STAU2: variants seen among roughly 807,000 people sequenced by gnomAD.
STAU2 encodes staufen double-stranded RNA binding protein 2.
Under a neutral mutation model 65.9 loss-of-function variants are expected in STAU2, and 20 were observed. The observed-to-expected ratio is 0.30, with a 90% confidence interval of 0.21 to 0.44. The LOEUF (loss-of-function observed/expected upper bound fraction) is 0.44, where lower values mean the gene tolerates loss of function less well. Ranked by LOEUF, STAU2 falls within the 20% of genes least tolerant of loss-of-function variation. The pLI, the probability that STAU2 is intolerant of heterozygous loss-of-function variation, is 1.00. For synonymous variants in STAU2, 232 were observed against 233.9 expected (o/e 0.99, Z 0.07); for missense variants, 558 against 683.9 (o/e 0.82, Z 2.05).
intron 10 of STAU2, among the ~76,000 whole-genome samples, chr8:73,602,077 C>CTTA (rs750864585): frequency 6.6e-6 from 1 of 151,972 alleles, no homozygotes; most frequent in Non-Finnish European, 1.5e-5. Flanking sequence ...CCAGGAGTGA[C>CTTA]TTATCTATGA....
chr8:73,721,155 C>T (rs1399217707), intron 3 of STAU2, among the ~76,000 whole-genome samples: 1 of 147,794 alleles, frequency 6.8e-6, no homozygotes, highest in Middle Eastern at 3.5e-3. Flanking sequence ...CTGGGTGTGG[C>T]GGCACACATT....
chr8:73,642,308 A>G (rs2130137309), intron 6 of STAU2, among the ~76,000 whole-genome samples: 1 of 152,226 alleles, frequency 6.6e-6, no homozygotes, highest in South Asian at 2.1e-4. Context: ...GTGGATCATG[A>G]GGTCAGGAGA....
chr8:73,658,635 C>A (rs989126988), intron 6 of STAU2, among the ~76,000 whole-genome samples: 9 of 152,112 alleles, frequency 5.9e-5, no homozygotes, highest in African/African-American at 2.2e-4. Context: ...CATACTTATG[C>A]CGGGCATGGT....
intron 13 of STAU2, among the ~76,000 whole-genome samples, chr8:73,491,943 G>C (rs949533405): frequency 6.6e-6 from 1 of 151,878 alleles, no homozygotes; most frequent in Non-Finnish European, 1.5e-5. Flanking sequence ...CCATTAAACT[G>C]AGTAAGATCT....
Position 73,552,360 on chromosome 8 carries a change from A to T in STAU2, c.1223-41T>A, listed in dbSNP as rs748906492. On this transcript the variant is annotated intron_variant, in intron 12 of 14. Transcript: ENST00000524300. ...AGAACACTGTTATTACACTTAAAATAACCGAAATAGAAACATAGCATTATT... is the reference window on the plus strand; with the variant it reads ...AGAACACTGTTATTACACTTAAAATTACCGAAATAGAAACATAGCATTATT... 14 of 1,531,554 alleles carry T rather than the reference A, an allele frequency of 9.1e-6. No homozygotes were observed. In the South Asian group the frequency reaches 1.6e-4, roughly 18 times the overall value. 94.9% of individuals were successfully genotyped at this position (1,531,554 alleles called of 1,614,324 possible). A position where few individuals can be genotyped will look rare whatever the true frequency, so the allele number is the denominator to read the frequency against.
At chr8:73,513,736 TTTC>T (rs1822544973) in intron 13 of STAU2, among the ~76,000 whole-genome samples, 1 of 152,224 alleles carries the variant, frequency 6.6e-6, no homozygotes, top group Admixed American at 6.5e-5. Context: ...CTAGCTAGCC[TTTC>T]TTGTCTCTTA....
intron 3 of STAU2, among the ~76,000 whole-genome samples, chr8:73,719,483 A>C (rs1270190689): frequency 6.6e-6 from 1 of 152,222 alleles, no homozygotes; most frequent in Non-Finnish European, 1.5e-5. Context: ...AGGCTGGGAA[A>C]GTTCACTTCC....
intron 3 of STAU2, among the ~76,000 whole-genome samples, chr8:73,734,802 A>T (rs980614697): frequency 3.9e-5 from 6 of 151,932 alleles, no homozygotes; most frequent in Middle Eastern, 3.4e-3. Flanking sequence ...TCAAAAAATA[A>T]AAAATAAAAA....
intron 5 of STAU2, among the ~76,000 whole-genome samples, chr8:73,678,617 A>G (rs573312305): frequency 1.3e-5 from 2 of 152,250 alleles, no homozygotes; most frequent in South Asian, 2.1e-4. Flanking sequence ...TAAGACACTC[A>G]CTGAAAGGGA....
chr8:73,600,719 C>T (rs555834675), intron 10 of STAU2, among the ~76,000 whole-genome samples: 1 of 152,310 alleles, frequency 6.6e-6, no homozygotes, highest in East Asian at 1.9e-4. Context: ...GTTCCCATTC[C>T]TGTATTCACC....
chr8:73,488,399 T>C (rs1257838786), intron 13 of STAU2, among the ~76,000 whole-genome samples: 1 of 152,048 alleles, frequency 6.6e-6, no homozygotes, highest in Non-Finnish European at 1.5e-5. Context: ...CCAGCATTTA[T>C]GTCTTGCTGG....
At chr8:73,668,065 C>T (rs7837517) in intron 6 of STAU2, among the ~76,000 whole-genome samples, 30,929 of 151,910 alleles carry the variant, frequency 0.2, 3,522 homozygotes, top group East Asian at 0.37. Context: ...ATGTCCCTAC[C>T]CCCAACCAAG....
chr8:73,594,692 TAAAC>T (rs1811059427), intron 11 of STAU2, among the ~76,000 whole-genome samples: 1 of 152,088 alleles, frequency 6.6e-6, no homozygotes, highest in Admixed American at 6.5e-5. Context: ...TGGCAGAAAA[TAAAC>T]AACCTATGAG....
At chr8:73,510,259 G>A (rs1822311919) in intron 13 of STAU2, among the ~76,000 whole-genome samples, 2 of 151,862 alleles carry the variant, frequency 1.3e-5, no homozygotes, top group African/African-American at 2.4e-5. Flanking sequence ...AAGTAGAGAT[G>A]GGGTTTCTCC....
intron 1 of STAU2, 74 bp from the exon 2 acceptor site, chr8:73,739,942 C>T (rs78409473): frequency 1.5e-6 from 1 of 685,330 alleles, no homozygotes; most frequent in Non-Finnish European, 2.6e-6. Context: ...TTAGGTGTCA[C>T]CTTCTCTCAC....
intron 13 of STAU2, among the ~76,000 whole-genome samples, chr8:73,482,494 T>C (rs1011977871): frequency 6.6e-6 from 1 of 152,086 alleles, no homozygotes; most frequent in South Asian, 2.1e-4. Flanking sequence ...AACTGACTAC[T>C]TGCAAACACA....
chr8:73,496,798 G>A (rs1032113886), intron 13 of STAU2, among the ~76,000 whole-genome samples: 1 of 151,546 alleles, frequency 6.6e-6, no homozygotes, highest in South Asian at 2.1e-4. Flanking sequence ...AATCCAGTGT[G>A]CATTTTATGC....
chr8:73,532,697 A>G, intron 13 of STAU2, among the ~76,000 whole-genome samples: 1 of 152,166 alleles, frequency 6.6e-6, no homozygotes, highest in Non-Finnish European at 1.5e-5. Flanking sequence ...TTTACCATCT[A>G]TTCTCTCTAA....
At chr8:73,639,331 G>C (rs963261906) in intron 6 of STAU2, among the ~76,000 whole-genome samples, 5 of 152,060 alleles carry the variant, frequency 3.3e-5, no homozygotes, top group Non-Finnish European at 7.4e-5. Flanking sequence ...TAATCATGGA[G>C]AATGTATACA....
Sources: allele counts gnomAD v4.1 joint callset (sites outside exome capture counted in the v4.1 genomes callset), GRCh38; gene constraint gnomAD v4.1.1; transcripts MANE v1.5; gene names NCBI Gene and HGNC (gene_info 2026-07-23, HGNC 2026-07-21).